The following RICTOR variants were observed in gnomAD, a reference collection of about 807,000 sequenced individuals.
RICTOR encodes the protein RPTOR independent companion of MTOR complex 2, also known as rapamycin-insensitive companion of mTOR.
In RICTOR, 49 loss-of-function variants were observed where a neutral mutation model predicts 214.9. That is an observed-to-expected ratio of 0.23 (90% confidence interval 0.18 to 0.29). RICTOR has a LOEUF of 0.29. Among genes scored for constraint, RICTOR ranks in the 10% least tolerant of loss-of-function variants. The pLI, the probability that RICTOR is intolerant of heterozygous loss-of-function variation, is 1.00. For synonymous variants in RICTOR, 717 were observed against 711.3 expected (o/e 1.01, Z -0.13); for missense variants, 1,625 against 2,047.0 (o/e 0.79, Z 3.98).
chr5:38,967,241 C>G lies in RICTOR; in HGVS notation c.1152-14G>C. On this transcript the variant is annotated splice_polypyrimidine_tract_variant and intron_variant, in intron 13 of 37. Transcript: ENST00000357387. Reference sequence around the variant, plus strand: ...ATGAGGTCTGGCCTGGAAAAAACAGCACAGAAACAATTTAAATAAAGTTTC... The same window carrying G: ...ATGAGGTCTGGCCTGGAAAAAACAGGACAGAAACAATTTAAATAAAGTTTC... The G allele has an allele frequency of 6.2e-7, 1 of 1,609,888 alleles. No homozygotes were observed. Among genetic ancestry groups the G allele is most frequent in the South Asian group, 1.1e-5 (1 of 90,948 alleles).
intron 2 of RICTOR, among the ~76,000 whole-genome samples, chr5:39,041,918 G>A (rs1300938429): frequency 6.9e-6 from 1 of 144,578 alleles, no homozygotes; most frequent in East Asian, 2.0e-4. Flanking sequence ...TCCAGTTTGG[G>A]TGACAGAGCA....
intron 2 of RICTOR, chr5:39,022,373 C>A (rs6862144): frequency 0.62 from 95,103 of 153,180 alleles, 29,605 homozygotes; most frequent in African/African-American, 0.66. Flanking sequence ...GAAATGATGG[C>A]TAAAGGCCAC....
Position 38,994,164 on chromosome 5 carries a change from T to G in RICTOR, c.456+2655A>C, listed in dbSNP as rs563220876. 5.3e-5 allele frequency among the ~76,000 whole-genome samples: 8 copies of G among 152,072 alleles called. No individual in the cohort carries two copies. In the East Asian group the frequency reaches 1.2e-3, roughly 22 times the overall value. On this transcript the variant is annotated intron_variant, in intron 6 of 37. Transcript: ENST00000357387. ...GAGATTGCACCACTGCACTCCAGCCTGGGTGACAGAGCGAGACTCCATCTC... is the reference window on the plus strand; with the variant it reads ...GAGATTGCACCACTGCACTCCAGCCGGGGTGACAGAGCGAGACTCCATCTC...
rs773044199 is a variant in RICTOR, at chr5:38,982,025, G to A, written c.595C>T (p.Pro199Ser). The A allele has an allele frequency of 1.6e-5, 26 of 1,609,172 alleles. No homozygotes were observed. Among genetic ancestry groups the A allele is most frequent in the Non-Finnish European group, 2.2e-5 (26 of 1,176,080 alleles). The change falls in exon 8 of 38, where the codon CCA becomes TCA. Residue 199 changes from proline to serine, a missense_variant. Pro to Ser is a moderately conservative substitution (Grantham distance 74). This residue lies in a region of RICTOR where 258 missense variants were observed against 393.7 expected (regional missense o/e 0.66). Coordinates refer to ENST00000357387, the MANE Select transcript of RICTOR (RefSeq NM_152756.5). ...AIICELALQN[P>S]EVVALRGGLN... The stretch of plus-strand genomic sequence containing the variant: ...CCACCTCGAAGGGCCACCACCTCTG[G>A]ATTCTGAAGTGCTAAAAGAGAAAAA...
At chr5:38,944,659 A>G (rs1450465962) in intron 35 of RICTOR, 90 bp from the exon 36 acceptor site, 14 of 1,159,020 alleles carry the variant, frequency 1.2e-5, no homozygotes, top group Non-Finnish European at 1.7e-5. Flanking sequence ...CTTCACCTAA[A>G]GACCTAGAGA....
intron 2 of RICTOR, among the ~76,000 whole-genome samples, chr5:39,057,627 T>C (rs973800149): frequency 2.0e-5 from 3 of 152,128 alleles, no homozygotes; most frequent in African/African-American, 4.8e-5. Context: ...TCACTCTTAA[T>C]AGAATCAAGC....
chr5:38,992,101 TA>T (rs1487361199), intron 6 of RICTOR, among the ~76,000 whole-genome samples: 1 of 152,264 alleles, frequency 6.6e-6, no homozygotes, highest in African/African-American at 2.4e-5. Context: ...GTTTGTCATT[TA>T]AACAGCATTT....
intron 2 of RICTOR, among the ~76,000 whole-genome samples, chr5:39,030,656 C>G (rs1389559932): frequency 6.6e-6 from 1 of 152,130 alleles, no homozygotes; most frequent in Non-Finnish European, 1.5e-5. Flanking sequence ...TTTATGAGGA[C>G]AAGGACATCT....
chr5:39,018,779 G>T (rs1755162766), intron 3 of RICTOR, among the ~76,000 whole-genome samples: 1 of 152,034 alleles, frequency 6.6e-6, no homozygotes, highest in Non-Finnish European at 1.5e-5. Context: ...CACTACAATG[G>T]CCTCTAAGTG....
At chr5:39,027,547 T>C (rs1755930118) in intron 2 of RICTOR, among the ~76,000 whole-genome samples, 1 of 152,178 alleles carries the variant, frequency 6.6e-6, no homozygotes, top group African/African-American at 2.4e-5. Flanking sequence ...ATGTATTGCA[T>C]GGCACGTATA....
At chr5:38,969,354 CA>C (rs1174735836) in intron 11 of RICTOR, among the ~76,000 whole-genome samples, 1 of 151,500 alleles carries the variant, frequency 6.6e-6, no homozygotes, top group African/African-American at 2.4e-5. Context: ...GATATAAAAC[CA>C]AAAAAATTTT....
rs78198103 is a variant in RICTOR, at chr5:38,968,481, C to A, written c.973-451G>T. On this transcript the variant is annotated intron_variant, in intron 11 of 37. Transcript: ENST00000357387. Reference sequence around the variant, plus strand: ...TACTTCTATACTTTAAAAAACAAAACAAAAAAAAAAAAAGCCCTTTGGGAA... The same window carrying A: ...TACTTCTATACTTTAAAAAACAAAAAAAAAAAAAAAAAAGCCCTTTGGGAA... 2.1e-3 allele frequency among the ~76,000 whole-genome samples: 281 copies of A among 134,934 alleles called. 1 individual carries two copies. Among genetic ancestry groups the A allele is most frequent in the Middle Eastern group, 7.6e-3 (2 of 262 alleles). The allele number at this position is 134,934 out of a possible 152,430, so 88.5% of individuals were successfully genotyped here.
In RICTOR at chr5:39,023,766, C is replaced by T. The variant is rs569012132; in HGVS notation, c.98-2630G>A. 2.0e-5 allele frequency among the ~76,000 whole-genome samples: 3 copies of T among 152,308 alleles called. No homozygotes were observed. In the East Asian group the frequency reaches 5.8e-4, roughly 29 times the overall value. On this transcript the variant is annotated intron_variant, in intron 2 of 37. Transcript: ENST00000357387. ...TTTAAATTTAGCTTGCGTCTGCCTA[C>T]CTTACTCCATTCTGTTATACTGGGT...
In RICTOR at chr5:38,939,221, C is replaced by A. The variant is rs187837263; in HGVS notation, c.*3083G>T. The A allele has an allele frequency of 4.3e-6, 1 of 232,856 alleles. No individual in the cohort carries two copies. The allele number at this position is 232,856 out of a possible 1,614,324, so 14.4% of individuals were successfully genotyped here. A position where few individuals can be genotyped will look rare whatever the true frequency, so the allele number is the denominator to read the frequency against. On this transcript the variant is annotated 3_prime_UTR_variant, in exon 38 of 38. Coordinates refer to ENST00000357387, the MANE Select transcript of RICTOR (RefSeq NM_152756.5). The stretch of plus-strand genomic sequence containing the variant: ...GAAAATGTAAATAAGCATTGATATC[C>A]CACTGCTGAACACTTGGCCGTTGTG...
chr5:39,058,041 T>C (rs535792336), intron 2 of RICTOR, among the ~76,000 whole-genome samples: 1 of 152,160 alleles, frequency 6.6e-6, no homozygotes, highest in East Asian at 1.9e-4. Flanking sequence ...AAACAACACA[T>C]GTTGCCAAGT....
chr5:38,939,427 A>G lies in RICTOR; in HGVS notation c.*2877T>C. On this transcript the variant is annotated 3_prime_UTR_variant, in exon 38 of 38. Transcript: ENST00000357387. ...TCCATATTCTACTAATCGTTATTAGAAAAAATTTAATTAGGGAGAACAGAC... is the reference window on the plus strand; with the variant it reads ...TCCATATTCTACTAATCGTTATTAGGAAAAATTTAATTAGGGAGAACAGAC... The G allele has an allele frequency of 4.3e-6, 1 of 232,384 alleles. No homozygotes were observed. 14.4% of individuals were successfully genotyped at this position (232,384 alleles called of 1,614,324 possible).
At chr5:39,015,544 G>A (rs1031864076) in intron 3 of RICTOR, among the ~76,000 whole-genome samples, 2 of 151,828 alleles carry the variant, frequency 1.3e-5, no homozygotes, top group African/African-American at 4.8e-5. Context: ...GGGTGGGGGT[G>A]CTACTGGCAT....
In RICTOR at chr5:38,945,542, T is replaced by C. The variant is rs576800633; in HGVS notation, c.4582A>G (p.Ile1528Val). The change falls in exon 34 of 38, where the codon ATT (isoleucine) becomes GTT (valine). Residue 1528 changes from isoleucine to valine, a missense_variant. By Grantham distance (29) the Ile-to-Val change is conservative. Coordinates refer to ENST00000357387, the MANE Select transcript of RICTOR (RefSeq NM_152756.5). ...TGGTTGCTGGGCTGGAAACCCAGAA[T>C]TTCAATACAGACACAATAAAGGCAG... ...DNCLYCVCIEILGFQPSNQLS... is the reference protein window; with the variant it reads ...DNCLYCVCIEVLGFQPSNQLS... 1 of 1,614,144 alleles carries C rather than the reference T, an allele frequency of 6.2e-7. No individual in the cohort carries two copies. The highest frequency in any genetic ancestry group is 1.3e-5 in the African/African-American group (1 of 75,072).
intron 31 of RICTOR, chr5:38,949,205 T>G (rs1451011852): frequency 1.2e-5 from 6 of 480,472 alleles, no homozygotes; most frequent in African/African-American, 2.0e-5. Context: ...CCCTGCTGAG[T>G]CATGAGGACC....
Sources: allele counts gnomAD v4.1 joint callset (sites outside exome capture counted in the v4.1 genomes callset), GRCh38; gene constraint gnomAD v4.1.1; regional missense constraint gnomAD v4.1.1; transcripts MANE v1.5; gene names NCBI Gene and HGNC (gene_info 2026-07-23, HGNC 2026-07-21).